PPM1B: variants seen among roughly 807,000 people sequenced by gnomAD.
PPM1B encodes protein phosphatase, Mg2+/Mn2+ dependent 1B.
In PPM1B, 22 loss-of-function variants were observed where a neutral mutation model predicts 43.0. That is an observed-to-expected ratio of 0.51 (90% CI 0.37 to 0.73). The LOEUF (loss-of-function observed/expected upper bound fraction) is 0.73, where lower values mean the gene tolerates loss of function less well. Ranked by LOEUF, PPM1B falls within the 30% of genes least tolerant of loss-of-function variation. The pLI, the probability that PPM1B is intolerant of heterozygous loss-of-function variation, is 0.00. For synonymous variants in PPM1B, 217 were observed against 197.9 expected, an observed-to-expected ratio of 1.10 and a Z score of -0.81; for missense variants, 632 against 584.2, an observed-to-expected ratio of 1.08 and a Z score of -0.84.
At chr2:44,219,538 T>C (rs1397671827) in intron 5 of PPM1B, among the ~76,000 whole-genome samples, 1 of 152,204 alleles carries the variant, frequency 6.6e-6, no homozygotes, top group African/African-American at 2.4e-5. Flanking sequence ...ATTAATATAA[T>C]TTTAGTGAGT....
chr2:44,178,701 C>A (rs1315804133), intron 1 of PPM1B, among the ~76,000 whole-genome samples: 4 of 151,814 alleles, frequency 2.6e-5, no homozygotes, highest in Non-Finnish European at 4.4e-5. Context: ...AACTCCTGAC[C>A]TCAGGTGATC....
chr2:44,208,713 C>A (rs988262816), intron 2 of PPM1B, among the ~76,000 whole-genome samples: 3 of 152,142 alleles, frequency 2.0e-5, no homozygotes, highest in Non-Finnish European at 2.9e-5. Context: ...AACTTTGTCT[C>A]AAATAGTAAT....
chr2:44,192,413 GC>G (rs746658045), intron 1 of PPM1B, among the ~76,000 whole-genome samples: 1 of 151,742 alleles, frequency 6.6e-6, no homozygotes, highest in East Asian at 1.9e-4. Flanking sequence ...ATGGGGTTTC[GC>G]CATGTTGGCC....
intron 1 of PPM1B, among the ~76,000 whole-genome samples, chr2:44,194,584 G>T (rs1017951244): frequency 6.6e-6 from 1 of 152,070 alleles, no homozygotes; most frequent in Non-Finnish European, 1.5e-5. Flanking sequence ...TTAGCCAGGC[G>T]TGGTGGCGGG....
At chr2:44,219,890 C>T (rs1385454675) in intron 5 of PPM1B, among the ~76,000 whole-genome samples, 2 of 151,592 alleles carry the variant, frequency 1.3e-5, no homozygotes, top group Non-Finnish European at 2.9e-5. Flanking sequence ...TTGTGGTGAG[C>T]CGAGATCATG....
At chr2:44,188,728 T>C (rs1022529617) in intron 1 of PPM1B, among the ~76,000 whole-genome samples, 17 of 142,830 alleles carry the variant, frequency 1.2e-4, no homozygotes, top group African/African-American at 1.7e-4. Flanking sequence ...CCTTCCTTCC[T>C]TCCTTCCTTC....
intron 1 of PPM1B, among the ~76,000 whole-genome samples, chr2:44,189,599 G>A (rs561169918): frequency 1.3e-5 from 2 of 152,130 alleles, no homozygotes; most frequent in Admixed American, 6.5e-5. Flanking sequence ...AAGTAGCTGG[G>A]ATTACAGGTG....
At chr2:44,233,162 GT>G, downstream of PPM1B, 1 of 961,210 alleles carries the variant, frequency 1.0e-6, no homozygotes, top group Non-Finnish European at 1.2e-6. Context: ...GGTTTCTATA[GT>G]TTTAATTTTT....
At chr2:44,195,512 A>C (rs1301006150) in intron 1 of PPM1B, among the ~76,000 whole-genome samples, 4 of 151,562 alleles carry the variant, frequency 2.6e-5, no homozygotes, top group African/African-American at 9.7e-5. Flanking sequence ...TGCCCAGCCC[A>C]GACATGTATT....
At chr2:44,226,735 C>CTTTTTTTTTTTTTT (rs60750702) in intron 5 of PPM1B, among the ~76,000 whole-genome samples, 3 of 66,692 alleles carry the variant, frequency 4.5e-5, no homozygotes, top group African/African-American at 6.5e-5. Flanking sequence ...AGGTTTTTAT[C>CTTTTTTTTTTTTTT]TTTTTTTTTT....
intron 1 of PPM1B, among the ~76,000 whole-genome samples, chr2:44,174,114 AATATT>A (rs1339623489): frequency 6.6e-5 from 10 of 152,270 alleles, no homozygotes; most frequent in African/African-American, 2.4e-4. Flanking sequence ...CACACAGTTT[AATATT>A]AACTTGTAAA....
At chr2:44,232,846 T>C (rs779992582), downstream of PPM1B, 270 of 970,602 alleles carry the variant, frequency 2.8e-4, no homozygotes, top group Non-Finnish European at 3.3e-4. Flanking sequence ...GATATGTATT[T>C]ATTATTGATT....
At chr2:44,186,942 A>G (rs1386435692) in intron 1 of PPM1B, among the ~76,000 whole-genome samples, 4 of 152,228 alleles carry the variant, frequency 2.6e-5, no homozygotes, top group Non-Finnish European at 2.9e-5. Context: ...TACAGTTCCT[A>G]TCAGGCCATG....
chr2:44,177,608 A>AG (rs1491230254), intron 1 of PPM1B, among the ~76,000 whole-genome samples: 2 of 151,358 alleles, frequency 1.3e-5, no homozygotes, highest in African/African-American at 2.4e-5. Context: ...TAGTAGAGAC[A>AG]GGGGTCTCAC....
At chr2:44,170,082 G>T (rs1403499245) in intron 1 of PPM1B, among the ~76,000 whole-genome samples, 1 of 152,212 alleles carries the variant, frequency 6.6e-6, no homozygotes, top group Admixed American at 6.5e-5. Flanking sequence ...GACTCAGTGA[G>T]TGTTGGAAAT....
At chr2:44,188,393 C>CTTTTTTTTTTTTT (rs67959948) in intron 1 of PPM1B, among the ~76,000 whole-genome samples, 7 of 92,312 alleles carry the variant, frequency 7.6e-5, no homozygotes, top group East Asian at 3.2e-4. Context: ...TTCTTTCTTT[C>CTTTTTTTTTTTTT]TTTTTTTTTT....
intron 1 of PPM1B, among the ~76,000 whole-genome samples, chr2:44,197,342 C>A (rs907892115): frequency 6.6e-6 from 1 of 152,168 alleles, no homozygotes; most frequent in African/African-American, 2.4e-5. Flanking sequence ...TGATCTCGAA[C>A]TCCTGGGCCC....
At chr2:44,203,005 T>C (rs1409460370) in intron 2 of PPM1B, among the ~76,000 whole-genome samples, 1 of 152,282 alleles carries the variant, frequency 6.6e-6, no homozygotes, top group East Asian at 1.9e-4. Flanking sequence ...GTTTGACTTA[T>C]TTATTCTGTC....
chr2:44,177,963 G>A (rs150110963), intron 1 of PPM1B, among the ~76,000 whole-genome samples: 1 of 148,004 alleles, frequency 6.8e-6, no homozygotes, highest in East Asian at 2.0e-4. Context: ...TGTTGCTCAG[G>A]CAAGAGTGCA....
Sources: allele counts gnomAD v4.1 joint callset (sites outside exome capture counted in the v4.1 genomes callset), GRCh38; gene constraint gnomAD v4.1.1; transcripts MANE v1.5; gene names NCBI Gene and HGNC (gene_info 2026-07-23, HGNC 2026-07-21).